The following ASXL1 variants were observed in gnomAD, a reference collection of about 807,000 sequenced individuals.
ASXL1 encodes polycomb group protein ASXL1.
Under a neutral mutation model 89.1 loss-of-function variants are expected in ASXL1, and 65 were observed. The observed-to-expected ratio is 0.73, with a 90% confidence interval of 0.60 to 0.90. The LOEUF (loss-of-function observed/expected upper bound fraction) is 0.90, where lower values mean the gene tolerates loss of function less well. Ranked by LOEUF, ASXL1 falls within the 40% of genes least tolerant of loss-of-function variation. The pLI is 0.00. For missense variants in ASXL1, 1,786 were observed against 1,942.9 expected, an observed-to-expected ratio of 0.92 and a Z score of 1.52; for synonymous variants, 739 against 746.9, an observed-to-expected ratio of 0.99 and a Z score of 0.17.
intron 4 of ASXL1, among the ~76,000 whole-genome samples, chr20:32,423,933 T>C (rs918300730): frequency 6.6e-6 from 1 of 152,178 alleles, no homozygotes; most frequent in Non-Finnish European, 1.5e-5. Flanking sequence ...GAATAGCAAA[T>C]CTTACTCTTA....
At chr20:32,361,642 A>AAAAAAAG (rs1779579330) in intron 1 of ASXL1, among the ~76,000 whole-genome samples, 1 of 151,846 alleles carries the variant, frequency 6.6e-6, no homozygotes, top group Non-Finnish European at 1.5e-5. Context: ...TCAAAAAAAA[A>AAAAAAAG]AAAAAAAGAA....
chr20:32,416,283 A>G (rs1432731963), intron 4 of ASXL1, among the ~76,000 whole-genome samples: 1 of 152,154 alleles, frequency 6.6e-6, no homozygotes, highest in Non-Finnish European at 1.5e-5. Flanking sequence ...ATTTAACTGT[A>G]ATTTTATACC....
intron 4 of ASXL1, chr20:32,427,204 C>A (rs1008164639): frequency 6.6e-6 from 1 of 152,112 alleles, no homozygotes; most frequent in East Asian, 1.9e-4. Flanking sequence ...GTCTACATGT[C>A]GTGAGTCTAT....
chr20:32,403,226 T>C (rs1173313824), intron 4 of ASXL1, among the ~76,000 whole-genome samples: 2 of 152,228 alleles, frequency 1.3e-5, no homozygotes, highest in Non-Finnish European at 2.9e-5. Flanking sequence ...GTTCTATTCC[T>C]ACGCACACTG....
At chr20:32,409,192 C>G (rs2049004740) in intron 4 of ASXL1, among the ~76,000 whole-genome samples, 1 of 151,970 alleles carries the variant, frequency 6.6e-6, no homozygotes. Flanking sequence ...CCAGGCTGTT[C>G]TCAAACTCTT....
rs1026298584 is a variant in ASXL1, at chr20:32,433,395, A to C, written c.1197A>C (p.Pro399=). The C allele has an allele frequency of 6.2e-7, 1 of 1,614,216 alleles. No individual in the cohort carries two copies. The change falls in exon 12 of 13, where the codon CCA becomes CCC. Residue 399 remains proline (P), a synonymous_variant. Coordinates refer to ENST00000375687, the MANE Select transcript of ASXL1 (RefSeq NM_015338.6). ...AATCAGTGCGTATACAGCGTGGTCC[A>C]GCCACCCGACAGCGAGATGGGCATT... is the stretch of plus-strand genomic sequence containing the variant. ...PGESVRIQRG[P]ATRQRDGHFK...
rs1274163222 is a variant in ASXL1 at position 32,436,482 on chromosome 20, C to T, written c.3770C>T (p.Ala1257Val). The change falls in exon 13 of 13, where the codon GCT (alanine) becomes GTT (valine). Residue 1257 changes from alanine (A) to valine (V), a missense_variant. Ala to Val is a moderately conservative substitution (Grantham distance 64). Coordinates refer to ENST00000375687, the MANE Select transcript of ASXL1 (RefSeq NM_015338.6). The part of the protein sequence containing the change: ...RAMSQDSNSN[A>V]APGKSPGDLT... ...ATGTCACAGGACAGTAATTCAAATG[C>T]TGCTCCAGGAAAGAGCCCAGGAGAT... The T allele has an allele frequency of 5.0e-6, 8 of 1,614,058 alleles. No homozygotes were observed. The highest frequency in any genetic ancestry group is 6.8e-6 in the Non-Finnish European group (8 of 1,180,044).
intron 4 of ASXL1, among the ~76,000 whole-genome samples, chr20:32,407,927 C>CG (rs2048982795): frequency 6.6e-6 from 1 of 151,994 alleles, no homozygotes; most frequent in Non-Finnish European, 1.5e-5. Context: ...CTTAGGTGTG[C>CG]GATTTATGTC....
intron 1 of ASXL1, chr20:32,359,735 C>T (rs922907351): frequency 5.3e-5 from 38 of 718,022 alleles, no homozygotes; most frequent in Middle Eastern, 4.5e-4. Flanking sequence ...TTGAAGCCGT[C>T]TCGTTCAACC....
chr20:32,368,556 G>T (rs549578593), intron 3 of ASXL1, among the ~76,000 whole-genome samples: 1 of 152,186 alleles, frequency 6.6e-6, no homozygotes, highest in South Asian at 2.1e-4. Context: ...AGTTCTGCTT[G>T]TTTTATTGGC....
chr20:32,421,808 T>C (rs899704807), intron 4 of ASXL1, among the ~76,000 whole-genome samples: 1 of 151,560 alleles, frequency 6.6e-6, no homozygotes, highest in South Asian at 2.1e-4. Context: ...AAGTACGTTA[T>C]GGAGATAGAA....
chr20:32,415,515 G>GT (rs774431054), intron 4 of ASXL1, among the ~76,000 whole-genome samples: 3 of 152,144 alleles, frequency 2.0e-5, no homozygotes, highest in Non-Finnish European at 2.9e-5. Flanking sequence ...GGGTCTGACT[G>GT]TTTTATTCAG....
intron 4 of ASXL1, among the ~76,000 whole-genome samples, chr20:32,403,265 C>G (rs1312795049): frequency 2.6e-5 from 4 of 152,140 alleles, no homozygotes; most frequent in Admixed American, 2.6e-4. Flanking sequence ...CGCATCTGTT[C>G]CTCTGTCAAT....
At chr20:32,365,051 A>G (rs1600468912) in intron 1 of ASXL1, among the ~76,000 whole-genome samples, 1 of 152,314 alleles carries the variant, frequency 6.6e-6, no homozygotes, top group African/African-American at 2.4e-5. Flanking sequence ...CAAGGTAGGG[A>G]ATACAGGAAG....
rs779180512 is a variant in ASXL1 at position 32,435,624 on chromosome 20, A to G, written c.2912A>G (p.Asn971Ser). 12 of 1,614,010 alleles carry G rather than the reference A, an allele frequency of 7.4e-6. No individual in the cohort carries two copies. Among genetic ancestry groups the G allele is most frequent in the Middle Eastern group, 1.6e-4 (1 of 6,084 alleles). ...TVPSRGGSDS[N>S]GSYCQQVDIE... The stretch of plus-strand genomic sequence containing the variant: ...CCATCTCGAGGAGGCAGTGACAGCA[A>G]TGGCAGTTACTGTCAACAGGTGGAC... The change falls in exon 13 of 13, where the codon AAT becomes AGT. Residue 971 changes from asparagine to serine, a missense_variant. By Grantham distance (46) the Asn-to-Ser change is conservative. Transcript: ENST00000375687.
chr20:32,396,113 CATCTT>C (rs1021650555), intron 4 of ASXL1, among the ~76,000 whole-genome samples: 21 of 152,274 alleles, frequency 1.4e-4, no homozygotes, highest in African/African-American at 5.1e-4. Flanking sequence ...TCTTAAAAAA[CATCTT>C]ATATTTCTCT....
chr20:32,400,102 TAAA>T, intron 4 of ASXL1, among the ~76,000 whole-genome samples: 1 of 151,116 alleles, frequency 6.6e-6, no homozygotes, highest in Non-Finnish European at 1.5e-5. Context: ...TGATTTGGTT[TAAA>T]AAAAAATCTT....
intron 1 of ASXL1, among the ~76,000 whole-genome samples, chr20:32,363,401 G>A (rs1053188545): frequency 1.3e-5 from 2 of 152,198 alleles, no homozygotes; most frequent in Admixed American, 6.5e-5. Context: ...GCCCATCTTG[G>A]CACTTAGGTT....
At chr20:32,408,255 G>A (rs1019400194) in intron 4 of ASXL1, among the ~76,000 whole-genome samples, 1 of 152,008 alleles carries the variant, frequency 6.6e-6, no homozygotes, top group Non-Finnish European at 1.5e-5. Context: ...TCTATGTACG[G>A]TTCGAGGTAG....
Sources: gnomAD v4.1 joint callset for allele counts (sites outside exome capture counted in the v4.1 genomes callset) on GRCh38, gnomAD v4.1.1 for gene constraint, MANE v1.5 for transcripts, NCBI Gene and HGNC (gene_info 2026-07-23, HGNC 2026-07-21) for gene names.